The following CTCF variants were observed in gnomAD, a reference collection of about 807,000 sequenced individuals.
CTCF encodes the protein CCCTC-binding factor, also known as transcriptional repressor CTCF.
CTCF carries 7 observed loss-of-function variants against 72.3 expected under a neutral mutation model. The observed-to-expected ratio is 0.10, with a 90% CI of 0.06 to 0.18. The LOEUF (loss-of-function observed/expected upper bound fraction) is 0.18. Ranked by LOEUF, CTCF falls within the 10% of genes least tolerant of loss-of-function variation. CTCF has a pLI of 1.00. For synonymous variants in CTCF, 374 were observed against 315.8 expected (o/e 1.18, Z -1.95); for missense variants, 516 against 949.1 (o/e 0.54, Z 6.00).
intron 2 of CTCF, among the ~76,000 whole-genome samples, chr16:67,583,699 A>C (rs1004818909): frequency 6.6e-6 from 1 of 152,016 alleles, no homozygotes; most frequent in Admixed American, 6.6e-5. Flanking sequence ...AAAAAAAAAA[A>C]CAAAAGAGCA....
chr16:67,576,732 A>G (rs1367128423), intron 2 of CTCF, among the ~76,000 whole-genome samples: 1 of 151,862 alleles, frequency 6.6e-6, no homozygotes, highest in Non-Finnish European at 1.5e-5. Flanking sequence ...GGGTTTCACC[A>G]TGTTAGCCAG....
intron 2 of CTCF, among the ~76,000 whole-genome samples, chr16:67,580,073 T>TG (rs2051559428): frequency 6.6e-6 from 1 of 152,086 alleles, no homozygotes; most frequent in Non-Finnish European, 1.5e-5. Context: ...TGAAAAATGG[T>TG]GGGTAATGGA....
At chr16:67,593,122 AAT>A (rs1437308626) in intron 2 of CTCF, among the ~76,000 whole-genome samples, 2 of 150,182 alleles carry the variant, frequency 1.3e-5, no homozygotes, top group Non-Finnish European at 3.0e-5. Flanking sequence ...TATGGTTTTT[AAT>A]ATATATTTTA....
At chr16:67,587,106 T>A (rs1487381648) in intron 2 of CTCF, among the ~76,000 whole-genome samples, 1 of 147,036 alleles carries the variant, frequency 6.8e-6, no homozygotes, top group Non-Finnish European at 1.5e-5. Flanking sequence ...AAACATTTTT[T>A]TTTTTTTTTT....
chr16:67,582,949 C>T (rs2051607453), intron 2 of CTCF, among the ~76,000 whole-genome samples: 2 of 151,162 alleles, frequency 1.3e-5, no homozygotes, highest in Admixed American at 1.3e-4. Flanking sequence ...ACACACTGAA[C>T]TTAAATCTCC....
chr16:67,575,250 C>G (rs1176634863), intron 2 of CTCF, among the ~76,000 whole-genome samples: 1 of 152,094 alleles, frequency 6.6e-6, no homozygotes, highest in Non-Finnish European at 1.5e-5. Flanking sequence ...AAGACCCTGT[C>G]TCAATAAACA....
chr16:67,628,650 A>T, intron 9 of CTCF, 98 bp downstream of exon 9: 1 of 1,186,586 alleles, frequency 8.4e-7, no homozygotes, highest in Non-Finnish European at 1.2e-6. Flanking sequence ...TGAGGTTATA[A>T]ACAGAGATGC....
chr16:67,618,803 A>G (rs774730251), intron 5 of CTCF, among the ~76,000 whole-genome samples: 1 of 152,262 alleles, frequency 6.6e-6, no homozygotes, highest in Non-Finnish European at 1.5e-5. Context: ...AAAAATATCT[A>G]TGAAATGTAC....
intron 2 of CTCF, among the ~76,000 whole-genome samples, chr16:67,576,301 T>A (rs1302685656): frequency 6.6e-6 from 1 of 151,998 alleles, no homozygotes; most frequent in Non-Finnish European, 1.5e-5. Context: ...AATAAGTAAT[T>A]ATTTGGATGA....
intron 1 of CTCF, among the ~76,000 whole-genome samples, chr16:67,566,531 A>G (rs1025843954): frequency 1.3e-5 from 2 of 150,710 alleles, no homozygotes; most frequent in African/African-American, 4.9e-5. Context: ...AAAAAAAAAA[A>G]AAAAAAAAAG....
At chr16:67,629,850 C>G (rs1435045510) in intron 10 of CTCF, among the ~76,000 whole-genome samples, 1 of 134,466 alleles carries the variant, frequency 7.4e-6, no homozygotes, top group Non-Finnish European at 1.5e-5. Flanking sequence ...TCTCGGCTCA[C>G]TGCAAGCTCA....
At chr16:67,601,007 T>C (rs906716951) in intron 2 of CTCF, among the ~76,000 whole-genome samples, 2 of 152,094 alleles carry the variant, frequency 1.3e-5, no homozygotes, top group African/African-American at 4.8e-5. Flanking sequence ...TGTTTTGTAC[T>C]AAGAGGAACT....
chr16:67,616,609 G>T, intron 4 of CTCF, 136 bp from the exon 5 acceptor site: 1 of 960,364 alleles, frequency 1.0e-6, no homozygotes, highest in East Asian at 2.4e-5. Flanking sequence ...GCTGACTTTT[G>T]TATCTGCTTT....
intron 7 of CTCF, among the ~76,000 whole-genome samples, chr16:67,624,117 A>ATGTG (rs1207947513): frequency 2.2e-5 from 2 of 92,528 alleles, no homozygotes; most frequent in African/African-American, 4.3e-5. Context: ...GTGTGTGTGT[A>ATGTG]TGTGTGTGTA....
At chr16:67,583,580 G>A (rs975746201) in intron 2 of CTCF, among the ~76,000 whole-genome samples, 2 of 151,920 alleles carry the variant, frequency 1.3e-5, no homozygotes, top group Non-Finnish European at 2.9e-5. Flanking sequence ...TCAGCCACTC[G>A]GGAGGCCGAG....
At chr16:67,603,208 A>G (rs1022265077) in intron 2 of CTCF, among the ~76,000 whole-genome samples, 1 of 151,874 alleles carries the variant, frequency 6.6e-6, no homozygotes, top group African/African-American at 2.4e-5. Context: ...CCTGGGCAAC[A>G]CACCTCTACA....
intron 2 of CTCF, among the ~76,000 whole-genome samples, chr16:67,596,041 C>T (rs1369274669): frequency 6.6e-6 from 1 of 151,960 alleles, no homozygotes; most frequent in Non-Finnish European, 1.5e-5. Context: ...GCAACCTCCA[C>T]CTCCTGGGTT....
intron 2 of CTCF, among the ~76,000 whole-genome samples, chr16:67,578,470 T>A (rs184940501): frequency 1.3e-5 from 2 of 151,646 alleles, no homozygotes; most frequent in Non-Finnish European, 2.9e-5. Context: ...GTAGCTGAGA[T>A]TACACACATG....
chr16:67,599,228 C>G (rs528623150), intron 2 of CTCF, among the ~76,000 whole-genome samples: 163 of 152,240 alleles, frequency 1.1e-3, no homozygotes, highest in South Asian at 1.9e-3. Flanking sequence ...AACCTCGTCT[C>G]TAGTAAAAAT....
Sources: gnomAD v4.1 joint callset for allele counts (sites outside exome capture counted in the v4.1 genomes callset) on GRCh38, gnomAD v4.1.1 for gene constraint, MANE v1.5 for transcripts, NCBI Gene and HGNC (gene_info 2026-07-23, HGNC 2026-07-21) for gene names.